Variants in KCNIP4 observed in about 807,000 individuals in gnomAD.
KCNIP4 encodes the protein potassium voltage-gated channel interacting protein 4, also known as Kv channel-interacting protein 4.
Under a neutral mutation model 34.0 loss-of-function variants are expected in KCNIP4, and 12 were observed. That is an observed-to-expected ratio of 0.35 (90% CI 0.23 to 0.57). The LOEUF (loss-of-function observed/expected upper bound fraction) is 0.57. KCNIP4 is among the 20% of genes least tolerant of loss of function. The pLI is 0.83. For synonymous variants in KCNIP4, 124 were observed against 102.2 expected (o/e 1.21, Z -1.29); for missense variants, 238 against 311.7 (o/e 0.76, Z 1.78).
At chr4:21,810,855 C>CA (rs1347675907) in intron 1 of KCNIP4, among the ~76,000 whole-genome samples, 1 of 151,930 alleles carries the variant, frequency 6.6e-6, no homozygotes, top group East Asian at 1.9e-4. Context: ...ACACCAAAGA[C>CA]AAAAAAACTC....
intron 1 of KCNIP4, among the ~76,000 whole-genome samples, chr4:20,973,233 G>C (rs1161949204): frequency 6.6e-6 from 1 of 152,158 alleles, no homozygotes; most frequent in Non-Finnish European, 1.5e-5. Flanking sequence ...AGACCTTCTA[G>C]GTAACTTGCT....
At chr4:21,561,707 T>C (rs1215751494) in intron 1 of KCNIP4, among the ~76,000 whole-genome samples, 1 of 152,004 alleles carries the variant, frequency 6.6e-6, no homozygotes, top group Non-Finnish European at 1.5e-5. Flanking sequence ...TTACCATCTT[T>C]ACTAAGGAAA....
chr4:21,947,959 C>T (rs190727745), intron 1 of KCNIP4, among the ~76,000 whole-genome samples: 1 of 152,354 alleles, frequency 6.6e-6, no homozygotes, highest in East Asian at 1.9e-4. Flanking sequence ...TAACACAGTG[C>T]CCGATACCTT....
intron 1 of KCNIP4, among the ~76,000 whole-genome samples, chr4:21,225,102 T>C (rs1230728901): frequency 1.3e-5 from 2 of 152,164 alleles, no homozygotes; most frequent in Non-Finnish European, 2.9e-5. Context: ...ATTAAATGCA[T>C]TTTTGACTAA....
chr4:21,187,876 C>T (rs114689173), intron 1 of KCNIP4, among the ~76,000 whole-genome samples: 1,529 of 152,264 alleles, frequency 0.01, 26 homozygotes, highest in African/African-American at 0.035. Flanking sequence ...TGTAGCCCAA[C>T]GGCCCCAGGG....
chr4:21,481,232 A>G (rs1005481442), intron 1 of KCNIP4, among the ~76,000 whole-genome samples: 1 of 152,202 alleles, frequency 6.6e-6, no homozygotes, highest in Non-Finnish European at 1.5e-5. Context: ...CTAACCAAGG[A>G]AAAAGATATG....
At chr4:21,695,039 T>A (rs1047927641) in intron 1 of KCNIP4, among the ~76,000 whole-genome samples, 3 of 152,020 alleles carry the variant, frequency 2.0e-5, no homozygotes, top group African/African-American at 7.2e-5. Context: ...ACATGCTGAT[T>A]GCTCAGGATA....
intron 1 of KCNIP4, among the ~76,000 whole-genome samples, chr4:21,653,065 T>C (rs1241696160): frequency 1.3e-5 from 2 of 152,224 alleles, no homozygotes; most frequent in African/African-American, 4.8e-5. Flanking sequence ...CAGACCTCTC[T>C]GGTGATATTC....
chr4:21,382,620 C>T (rs1721615217), intron 1 of KCNIP4, among the ~76,000 whole-genome samples: 1 of 151,864 alleles, frequency 6.6e-6, no homozygotes, highest in Non-Finnish European at 1.5e-5. Context: ...AATAGATGAT[C>T]CCAAGATTTA....
At chr4:21,357,704 C>A (rs1348034313) in intron 1 of KCNIP4, among the ~76,000 whole-genome samples, 3 of 152,278 alleles carry the variant, frequency 2.0e-5, no homozygotes, top group East Asian at 3.9e-4. Flanking sequence ...AATAGGAACA[C>A]TTTTACATTG....
chr4:20,962,667 C>G (rs913404088), intron 1 of KCNIP4, among the ~76,000 whole-genome samples: 2 of 152,156 alleles, frequency 1.3e-5, no homozygotes, highest in South Asian at 2.1e-4. Flanking sequence ...CTTATTTTAT[C>G]ATTTTGTTCA....
chr4:21,322,815 T>A (rs749980260), intron 1 of KCNIP4, among the ~76,000 whole-genome samples: 6 of 152,078 alleles, frequency 3.9e-5, no homozygotes, highest in Admixed American at 3.3e-4. Context: ...TCAAAGAAGT[T>A]AAGTAATACA....
At chr4:20,770,473 C>CAAA (rs1755769676) in intron 3 of KCNIP4, among the ~76,000 whole-genome samples, 5 of 109,338 alleles carry the variant, frequency 4.6e-5, no homozygotes, top group Admixed American at 1.1e-4. Context: ...ATAATATTGA[C>CAAA]CAAAAAAAAA....
chr4:21,201,462 A>C (rs368382646), intron 1 of KCNIP4, among the ~76,000 whole-genome samples: 16 of 152,192 alleles, frequency 1.1e-4, no homozygotes, highest in African/African-American at 3.6e-4. Flanking sequence ...ATACCATTGC[A>C]GGATACTATG....
intron 1 of KCNIP4, among the ~76,000 whole-genome samples, chr4:21,912,610 G>A (rs1728399731): frequency 6.6e-6 from 1 of 152,040 alleles, no homozygotes; most frequent in Non-Finnish European, 1.5e-5. Flanking sequence ...TCCCCAGGAA[G>A]GTGAGGTAGG....
intron 1 of KCNIP4, among the ~76,000 whole-genome samples, chr4:21,204,696 A>G (rs1447370276): frequency 6.6e-6 from 1 of 152,230 alleles, no homozygotes; most frequent in East Asian, 1.9e-4. Context: ...ATGATAAAGT[A>G]TACATAAGCA....
At chr4:21,623,304 T>C (rs1039300631) in intron 1 of KCNIP4, among the ~76,000 whole-genome samples, 5 of 152,186 alleles carry the variant, frequency 3.3e-5, no homozygotes, top group Non-Finnish European at 2.9e-5. Context: ...ATCATGCTAC[T>C]TGCTAGAAAA....
At chr4:21,589,586 T>C (rs570578460) in intron 1 of KCNIP4, among the ~76,000 whole-genome samples, 198 of 151,892 alleles carry the variant, frequency 1.3e-3, no homozygotes, top group African/African-American at 4.5e-3. Flanking sequence ...AGAAGCTACA[T>C]TTAAGAAGCA....
intron 2 of KCNIP4, among the ~76,000 whole-genome samples, chr4:20,872,070 G>T (rs1354941599): frequency 2.0e-5 from 3 of 152,070 alleles, no homozygotes; most frequent in Non-Finnish European, 4.4e-5. Flanking sequence ...ATGATATGAT[G>T]ATTTTGACAC....
Sources: gnomAD v4.1 joint callset for allele counts (sites outside exome capture counted in the v4.1 genomes callset) on GRCh38, gnomAD v4.1.1 for gene constraint, MANE v1.5 for transcripts, NCBI Gene and HGNC (gene_info 2026-07-23, HGNC 2026-07-21) for gene names.